SGCZ: variants seen among roughly 807,000 people sequenced by gnomAD.
SGCZ encodes the protein sarcoglycan zeta.
Under a neutral mutation model 41.3 loss-of-function variants are expected in SGCZ, and 40 were observed. The ratio of observed to expected loss-of-function variants is 0.97; its 90% confidence interval spans 0.75 to 1.26. The LOEUF is 1.26. Among genes scored for constraint, SGCZ ranks in the 50% most tolerant of loss-of-function variants. The pLI is 0.00. For synonymous variants in SGCZ, 206 were observed against 137.5 expected (o/e 1.50, Z -3.49); for missense variants, 552 against 369.8 (o/e 1.49, Z -4.04).
At chr8:15,045,864 A>G (rs1804282570) in intron 1 of SGCZ, among the ~76,000 whole-genome samples, 1 of 152,110 alleles carries the variant, frequency 6.6e-6, no homozygotes, top group Non-Finnish European at 1.5e-5. Flanking sequence ...ACAAAATTGG[A>G]AGAAAAGGAC....
At chr8:15,021,846 C>A (rs1803260781) in intron 1 of SGCZ, among the ~76,000 whole-genome samples, 1 of 152,160 alleles carries the variant, frequency 6.6e-6, no homozygotes, top group African/African-American at 2.4e-5. Context: ...TCTAGATACA[C>A]CTTGACCACC....
At chr8:14,540,348 C>G (rs2117149206) in intron 2 of SGCZ, among the ~76,000 whole-genome samples, 1 of 145,138 alleles carries the variant, frequency 6.9e-6, no homozygotes. Context: ...TTAATATCTA[C>G]TATGAGAATT....
At chr8:14,974,844 G>A (rs917597003) in intron 1 of SGCZ, among the ~76,000 whole-genome samples, 6 of 139,946 alleles carry the variant, frequency 4.3e-5, no homozygotes, top group Non-Finnish European at 9.1e-5. Flanking sequence ...TAAGACGAAT[G>A]AAGAGGGAAG....
chr8:14,446,360 A>T (rs2117385889), intron 2 of SGCZ, among the ~76,000 whole-genome samples: 1 of 152,222 alleles, frequency 6.6e-6, no homozygotes, highest in East Asian at 1.9e-4. Context: ...AATATGTAAC[A>T]TTTCTGTTTC....
intron 1 of SGCZ, among the ~76,000 whole-genome samples, chr8:14,721,196 A>T (rs1809874035): frequency 6.6e-6 from 1 of 152,110 alleles, no homozygotes; most frequent in African/African-American, 2.4e-5. Flanking sequence ...TTTGTTACTA[A>T]CACTCATTTA....
At chr8:14,960,807 AT>A (rs1224897178) in intron 1 of SGCZ, among the ~76,000 whole-genome samples, 2 of 151,818 alleles carry the variant, frequency 1.3e-5, no homozygotes, top group Admixed American at 6.6e-5. Context: ...GAAATCACTG[AT>A]TTTTTTTACA....
At chr8:14,807,565 T>C (rs1585278427) in intron 1 of SGCZ, among the ~76,000 whole-genome samples, 1 of 151,456 alleles carries the variant, frequency 6.6e-6, no homozygotes, top group Non-Finnish European at 1.5e-5. Context: ...AAACCACTGC[T>C]CAAGGAAATA....
At chr8:15,069,660 T>C (rs1354153962) in intron 1 of SGCZ, among the ~76,000 whole-genome samples, 4 of 152,230 alleles carry the variant, frequency 2.6e-5, no homozygotes, top group South Asian at 2.1e-4. Flanking sequence ...TTACCGCATA[T>C]GACTTTATTC....
intron 3 of SGCZ, among the ~76,000 whole-genome samples, chr8:14,272,172 T>G (rs889833965): frequency 1.2e-4 from 18 of 152,130 alleles, no homozygotes; most frequent in Admixed American, 6.5e-5. Flanking sequence ...CCCAGCTAAT[T>G]TCTGTATTTT....
intron 3 of SGCZ, among the ~76,000 whole-genome samples, chr8:14,281,703 A>T (rs1396248921): frequency 6.6e-6 from 1 of 152,058 alleles, no homozygotes; most frequent in African/African-American, 2.4e-5. Flanking sequence ...TAAAACATTT[A>T]ATCTGAGAGA....
intron 2 of SGCZ, among the ~76,000 whole-genome samples, chr8:14,441,015 G>T (rs1800246249): frequency 6.6e-6 from 1 of 152,028 alleles, no homozygotes. Flanking sequence ...GACTGAGATT[G>T]AAGAAGTATG....
chr8:14,568,475 T>A (rs1391802545), intron 1 of SGCZ, among the ~76,000 whole-genome samples: 2 of 150,388 alleles, frequency 1.3e-5, no homozygotes, highest in East Asian at 3.9e-4. Context: ...AGAAGATGCT[T>A]AGTTGTTCTT....
In SGCZ at chr8:14,087,119, G is replaced by T. The variant is rs1801542850; in HGVS notation, c.*3324C>A. ...ACAGTAAAATTTGAGGTGTATAATT[G>T]TCTTAAACTCTTAGATAAATAATTA... On this transcript the variant is annotated 3_prime_UTR_variant, in exon 8 of 8. Coordinates refer to ENST00000382080, the MANE Select transcript of SGCZ (RefSeq NM_139167.4). Among the ~76,000 whole-genome samples, 1 of 151,474 alleles carries T rather than the reference G, an allele frequency of 6.6e-6. No homozygotes were observed. Among genetic ancestry groups the T allele is most frequent in the East Asian group, 1.9e-4 (1 of 5,150 alleles).
intron 2 of SGCZ, among the ~76,000 whole-genome samples, chr8:14,446,915 C>T (rs554981279): frequency 7.2e-5 from 11 of 152,196 alleles, no homozygotes; most frequent in Admixed American, 3.3e-4. Context: ...ATTACACCAA[C>T]GAAATATAAT....
chr8:14,719,540 G>T (rs935981050), intron 1 of SGCZ, among the ~76,000 whole-genome samples: 11 of 152,014 alleles, frequency 7.2e-5, no homozygotes, highest in Non-Finnish European at 1.2e-4. Context: ...TTTAATGATT[G>T]TCATTCTAAC....
intron 1 of SGCZ, among the ~76,000 whole-genome samples, chr8:14,948,472 G>GAC (rs138392243): frequency 1.2e-5 from 1 of 86,106 alleles, no homozygotes; most frequent in Non-Finnish European, 3.2e-5. Flanking sequence ...CTTATCTTAT[G>GAC]AGAGAGAGAG....
chr8:14,627,436 T>C (rs1446503653), intron 1 of SGCZ, among the ~76,000 whole-genome samples: 5 of 152,144 alleles, frequency 3.3e-5, no homozygotes, highest in Admixed American at 3.3e-4. Context: ...CCATTGTGTT[T>C]CTTCTTCCAA....
chr8:14,500,749 G>T (rs969013992), intron 2 of SGCZ, among the ~76,000 whole-genome samples: 2 of 152,000 alleles, frequency 1.3e-5, no homozygotes, highest in Non-Finnish European at 2.9e-5. Context: ...GTAAATTTTA[G>T]TAGTATATGC....
At chr8:14,788,589 CACAT>C (rs1190523693) in intron 1 of SGCZ, among the ~76,000 whole-genome samples, 1 of 152,090 alleles carries the variant, frequency 6.6e-6, no homozygotes, top group Non-Finnish European at 1.5e-5. Flanking sequence ...ATACCAATCT[CACAT>C]AGTGGTAGAA....
Sources: gnomAD v4.1 joint callset for allele counts (sites outside exome capture counted in the v4.1 genomes callset) on GRCh38, gnomAD v4.1.1 for gene constraint, MANE v1.5 for transcripts, NCBI Gene and HGNC (gene_info 2026-07-23, HGNC 2026-07-21) for gene names.